The following AGAP1 variants were observed in gnomAD, a reference collection of about 807,000 sequenced individuals.
The protein encoded by AGAP1 is ArfGAP with GTPase domain, ankyrin repeat and PH domain 1.
A neutral mutation model predicts 105.3 loss-of-function variants in AGAP1; 29 were observed. The ratio of observed to expected loss-of-function variants is 0.28; its 90% CI spans 0.21 to 0.38. The LOEUF is 0.38. Among genes scored for constraint, AGAP1 ranks in the 10% least tolerant of loss-of-function variants. AGAP1 has a pLI of 1.00. For synonymous variants in AGAP1, 509 were observed against 485.9 expected (o/e 1.05, Z -0.63); for missense variants, 998 against 1,165.1 (o/e 0.86, Z 2.09).
At chr2:235,773,884 G>A (rs745873285) in intron 6 of AGAP1, 2 of 451,856 alleles carry the variant, frequency 4.4e-6, no homozygotes, top group Non-Finnish European at 4.5e-6. Context: ...TTATTGAAGA[G>A]ACTTTTTTCT....
Position 235,620,098 on chromosome 2 carries a change from T to C in AGAP1, c.164-89081T>C, listed in dbSNP as rs1047117599. Among the ~76,000 whole-genome samples, 12 of 152,268 alleles carry C rather than the reference T, an allele frequency of 7.9e-5. No individual in the cohort carries two copies. Among genetic ancestry groups the C allele is most frequent in the South Asian group, 2.1e-4 (1 of 4,826 alleles). On this transcript the variant is annotated intron_variant, in intron 1 of 17. Coordinates refer to ENST00000304032, the MANE Select transcript of AGAP1 (RefSeq NM_001037131.3). The surrounding 1 kb of genome is among the most constrained non-coding windows in gnomAD (Gnocchi z 4.5). ...CCCCAGGGACCTTCTTTGTCACAGC[T>C]GAAGCCCTCGCATGCTGGAGACTTG... is the stretch of plus-strand genomic sequence containing the variant.
chr2:235,821,636 G>A (rs1958795854), intron 9 of AGAP1, among the ~76,000 whole-genome samples: 1 of 152,140 alleles, frequency 6.6e-6, no homozygotes, highest in East Asian at 1.9e-4. Context: ...TTCCTTCACT[G>A]TGGACATTTT....
chr2:235,629,075 G>A (rs1946735810), intron 1 of AGAP1, among the ~76,000 whole-genome samples: 1 of 152,118 alleles, frequency 6.6e-6, no homozygotes, highest in Non-Finnish European at 1.5e-5. Flanking sequence ...CTCCCAAAGT[G>A]CTGGGATTAT....
At chr2:235,645,176 G>A (rs55642013) in intron 1 of AGAP1, among the ~76,000 whole-genome samples, 6,028 of 152,228 alleles carry the variant, frequency 0.04, 340 homozygotes, top group African/African-American at 0.12. Flanking sequence ...GATTATAGGC[G>A]TGAGCCACTG....
intron 1 of AGAP1, among the ~76,000 whole-genome samples, chr2:235,590,701 G>A (rs942089450): frequency 4.6e-5 from 5 of 108,786 alleles, no homozygotes; most frequent in Admixed American, 4.2e-4. Context: ...GCGTGTGTGT[G>A]TGTGTGTGTG....
At chr2:235,590,827 T>C (rs1361842908) in intron 1 of AGAP1, among the ~76,000 whole-genome samples, 1 of 148,918 alleles carries the variant, frequency 6.7e-6, no homozygotes, top group African/African-American at 2.5e-5. Flanking sequence ...TTCATGCCAT[T>C]CTCCTGCCTC....
intron 1 of AGAP1, among the ~76,000 whole-genome samples, chr2:235,632,524 C>A (rs995152218): frequency 1.3e-5 from 2 of 152,186 alleles, no homozygotes; most frequent in African/African-American, 4.8e-5. Context: ...CTGAAACACA[C>A]CTGGGGTCAT....
Position 235,740,787 on chromosome 2 carries a change from T to C in AGAP1, c.311-176T>C, listed in dbSNP as rs976692278. Among the ~76,000 whole-genome samples, 1 of 152,248 alleles carries C rather than the reference T, an allele frequency of 6.6e-6. No individual in the cohort carries two copies. Among genetic ancestry groups the C allele is most frequent in the Non-Finnish European group, 1.5e-5 (1 of 68,044 alleles). ...GCACAGGGGTTCTTAAAGACAAACA[T>C]TTAAATCTGAGTTCGGCTCTGTTAA... On this transcript the variant is annotated intron_variant, in intron 3 of 17. Coordinates refer to ENST00000304032, the MANE Select transcript of AGAP1 (RefSeq NM_001037131.3). This position sits in a 1 kb window ranked among gnomAD's most constrained non-coding sequence, Gnocchi z 5.7.
chr2:235,653,772 C>G (rs914053245), intron 1 of AGAP1, among the ~76,000 whole-genome samples: 7 of 152,190 alleles, frequency 4.6e-5, no homozygotes, highest in African/African-American at 1.7e-4. Flanking sequence ...TAAAAACAAT[C>G]CAGGCTGGGC....
intron 13 of AGAP1, among the ~76,000 whole-genome samples, chr2:236,010,700 A>G (rs2056480334): frequency 6.6e-6 from 1 of 152,220 alleles, no homozygotes; most frequent in Non-Finnish European, 1.5e-5. Flanking sequence ...TCAGTTTGCT[A>G]ACGCCTTCGG....
intron 1 of AGAP1, among the ~76,000 whole-genome samples, chr2:235,678,648 C>T (rs1948887667): frequency 6.6e-6 from 1 of 152,048 alleles, no homozygotes. Flanking sequence ...TGTACCTGGT[C>T]TTCTCTCAGG....
intron 10 of AGAP1, among the ~76,000 whole-genome samples, chr2:235,885,058 C>T (rs1055641591): frequency 6.6e-6 from 1 of 152,100 alleles, no homozygotes; most frequent in Non-Finnish European, 1.5e-5. Flanking sequence ...TAAAATGGCA[C>T]AGTTATTGAT....
intron 9 of AGAP1, among the ~76,000 whole-genome samples, chr2:235,851,445 A>G (rs989868628): frequency 6.6e-6 from 1 of 152,212 alleles, no homozygotes; most frequent in Non-Finnish European, 1.5e-5. Flanking sequence ...CCGTCCACCA[A>G]CGCACCATGT....
rs530672437 is a variant in AGAP1 at position 235,620,876 on chromosome 2, C to T, written c.164-88303C>T. Among the ~76,000 whole-genome samples, 3 of 152,288 alleles carry T rather than the reference C, an allele frequency of 2.0e-5. No individual in the cohort carries two copies. The East Asian group carries it at 5.8e-4, about 29-fold the overall frequency. ...AAGTAATTCCTGAATTGCAGCCCTA[C>T]AGCTTTTATTGGTGACAAGTTCTTG... is the stretch of plus-strand genomic sequence containing the variant. On this transcript the variant is annotated intron_variant, in intron 1 of 17. Coordinates refer to ENST00000304032, the MANE Select transcript of AGAP1 (RefSeq NM_001037131.3). This position sits in a 1 kb window ranked among gnomAD's most constrained non-coding sequence, Gnocchi z 4.5.
rs2050083312 is a variant in AGAP1 at position 235,882,576 on chromosome 2, G to A, written c.1051-769G>A. ...CCTCCTGGGTTCAAGCAATTCCCCTGCTCAGCCTCCCCGAGTAGCTGGGAT... is the reference window on the plus strand; with the variant it reads ...CCTCCTGGGTTCAAGCAATTCCCCTACTCAGCCTCCCCGAGTAGCTGGGAT... On this transcript the variant is annotated intron_variant, in intron 9 of 17. Coordinates refer to ENST00000304032, the MANE Select transcript of AGAP1 (RefSeq NM_001037131.3). The surrounding 1 kb of genome is among the most constrained non-coding windows in gnomAD (Gnocchi z 4.6). The A allele has an allele frequency of 1.7e-6, 1 of 593,788 alleles. No individual in the cohort carries two copies. The highest frequency in any genetic ancestry group is 2.9e-5 in the Admixed American group (1 of 34,376). 36.8% of individuals were successfully genotyped at this position (593,788 alleles called of 1,614,324 possible). A position where few individuals can be genotyped will look rare whatever the true frequency, so the allele number is the denominator to read the frequency against.
rs1488712969 is a variant in AGAP1, at chr2:236,087,560, C to T, written c.2115-32632C>T. Among the ~76,000 whole-genome samples the T allele has an allele frequency of 2.0e-5, 3 of 152,186 alleles. No individual in the cohort carries two copies. Among genetic ancestry groups the T allele is most frequent in the African/African-American group, 4.8e-5 (2 of 41,450 alleles). ...CACTGCCCATGACGGGCTACTTGGA[C>T]GGCTCATGCCCACCTCTGACTAGTT... On this transcript the variant is annotated intron_variant, in intron 16 of 17. Coordinates refer to ENST00000304032, the MANE Select transcript of AGAP1 (RefSeq NM_001037131.3). This position sits in a 1 kb window ranked among gnomAD's most constrained non-coding sequence, Gnocchi z 5.7.
At chr2:236,112,994 C>T (rs1427168959) in intron 16 of AGAP1, among the ~76,000 whole-genome samples, 1 of 152,258 alleles carries the variant, frequency 6.6e-6, no homozygotes, top group Non-Finnish European at 1.5e-5. Context: ...CAGTTCTAGG[C>T]TCTCCACTGT....
chr2:235,573,630 G>A (rs76010144), intron 1 of AGAP1, among the ~76,000 whole-genome samples: 26 of 152,310 alleles, frequency 1.7e-4, no homozygotes, highest in African/African-American at 5.5e-4. Flanking sequence ...AGAAGGAAGC[G>A]TATGGAAGAA....
At chr2:235,911,605 C>A (rs530297986) in intron 11 of AGAP1, among the ~76,000 whole-genome samples, 2 of 152,310 alleles carry the variant, frequency 1.3e-5, no homozygotes, top group Non-Finnish European at 2.9e-5. Context: ...ATACAAAGGC[C>A]CTATAAACCG....
Sources: allele counts gnomAD v4.1 joint callset (sites outside exome capture counted in the v4.1 genomes callset), GRCh38; gene constraint gnomAD v4.1.1; non-coding constraint Gnocchi (gnomAD v3.1); transcripts MANE v1.5; gene names NCBI Gene and HGNC (gene_info 2026-07-23, HGNC 2026-07-21).